Variants in PPP1R36 observed in about 807,000 individuals in gnomAD.
The protein encoded by PPP1R36 is chromosome 14 open reading frame 50.
A neutral mutation model predicts 53.4 loss-of-function variants in PPP1R36; 47 were observed. The ratio of observed to expected loss-of-function variants is 0.88; its 90% CI spans 0.70 to 1.12. The LOEUF (loss-of-function observed/expected upper bound fraction) is 1.12, where lower values mean the gene tolerates loss of function less well. PPP1R36 is among the 50% of genes most tolerant of loss of function. The pLI is 0.00. For synonymous variants in PPP1R36, 153 were observed against 170.5 expected, an observed-to-expected ratio of 0.90 and a Z score of 0.80; for missense variants, 456 against 513.9, an observed-to-expected ratio of 0.89 and a Z score of 1.09.
intron 3 of PPP1R36, among the ~76,000 whole-genome samples, chr14:64,553,930 CG>C (rs2080120969): frequency 6.6e-6 from 1 of 151,188 alleles, no homozygotes; most frequent in Admixed American, 6.6e-5. Flanking sequence ...AAGAGCAGAT[CG>C]GGGTGAGCCA....
intron 8 of PPP1R36, chr14:64,586,465 C>A (rs1383609588): frequency 6.0e-6 from 1 of 166,442 alleles, no homozygotes; most frequent in Non-Finnish European, 1.3e-5. Flanking sequence ...TTTGCTAATT[C>A]TTTTCCTTTT....
At chr14:64,555,502 T>G (rs10151434) in intron 3 of PPP1R36, among the ~76,000 whole-genome samples, 55,759 of 152,060 alleles carry the variant, frequency 0.37, 10,861 homozygotes, top group African/African-American at 0.49. Flanking sequence ...AAGAGGGTGT[T>G]TATGTAAAAT....
At chr14:64,575,654 G>GT (rs66467437) in intron 8 of PPP1R36, among the ~76,000 whole-genome samples, 232 of 143,168 alleles carry the variant, frequency 1.6e-3, no homozygotes, top group East Asian at 4.8e-3. Context: ...ACATTTTGGG[G>GT]TTTTTTTTTT....
intron 3 of PPP1R36, among the ~76,000 whole-genome samples, chr14:64,555,149 T>C (rs890710097): frequency 6.6e-6 from 1 of 152,262 alleles, no homozygotes; most frequent in African/African-American, 2.4e-5. Context: ...AATGTCTCAC[T>C]TTCCTTATTA....
At chr14:64,578,043 G>GTAC (rs1405028968) in intron 8 of PPP1R36, among the ~76,000 whole-genome samples, 1 of 140,666 alleles carries the variant, frequency 7.1e-6, no homozygotes, top group Non-Finnish European at 1.5e-5. Flanking sequence ...TTGAGATGGA[G>GTAC]TTTCACTCTT....
intron 8 of PPP1R36, among the ~76,000 whole-genome samples, chr14:64,575,859 C>G (rs1265933262): frequency 1.3e-5 from 2 of 151,982 alleles, no homozygotes; most frequent in Non-Finnish European, 2.9e-5. Flanking sequence ...ACCATGTTAG[C>G]CAGGATGGTC....
At chr14:64,577,164 G>A (rs186577364) in intron 8 of PPP1R36, among the ~76,000 whole-genome samples, 59 of 152,306 alleles carry the variant, frequency 3.9e-4, no homozygotes, top group Non-Finnish European at 1.5e-5. Context: ...GCAGAAAGAG[G>A]ATGACAGAGC....
rs530179552 is a variant in PPP1R36 at position 64,558,514 on chromosome 14, G to A, written c.182+5653G>A. 6.6e-5 allele frequency among the ~76,000 whole-genome samples: 10 copies of A among 152,254 alleles called. No individual in the cohort carries two copies. The South Asian group carries it at 1.9e-3, about 28-fold the overall frequency. On this transcript the variant is annotated intron_variant, in intron 3 of 11. Coordinates refer to ENST00000298705, the MANE Select transcript of PPP1R36 (RefSeq NM_172365.3). ...GGATCACTTGAGCCCAGAAAGTTGA[G>A]GCTGTGGTGAGCCATGATCCTGCCA...
chr14:64,560,225 A>C (rs2080195932), intron 3 of PPP1R36, among the ~76,000 whole-genome samples: 1 of 151,258 alleles, frequency 6.6e-6, no homozygotes, highest in Non-Finnish European at 1.5e-5. Flanking sequence ...CAGATGGCCT[A>C]AGCTCAAGAG....
At chr14:64,588,396 G>A (rs567739616) in intron 11 of PPP1R36, 101 bp downstream of exon 11, 18 of 1,045,320 alleles carry the variant, frequency 1.7e-5, no homozygotes, top group South Asian at 8.2e-5. Flanking sequence ...CCAGGGAATC[G>A]AGCCATGATG....
intron 8 of PPP1R36, among the ~76,000 whole-genome samples, chr14:64,577,718 C>CTTTTTTTTTTTTTTTTTT (rs10667127): frequency 2.1e-5 from 2 of 94,448 alleles, no homozygotes; most frequent in Non-Finnish European, 3.9e-5. Flanking sequence ...GCCATGATTA[C>CTTTTTTTTTTTTTTTTTT]TTTTTTTTTT....
At chr14:64,564,676 T>G in intron 3 of PPP1R36, 75 bp from the exon 4 acceptor site, 2 of 964,278 alleles carry the variant, frequency 2.1e-6, no homozygotes. Flanking sequence ...GTCCAAAGAT[T>G]ATGAGCTATG....
intron 3 of PPP1R36, among the ~76,000 whole-genome samples, chr14:64,554,246 G>A (rs2080126655): frequency 6.8e-6 from 1 of 147,756 alleles, no homozygotes; most frequent in Non-Finnish European, 1.5e-5. Flanking sequence ...CCCCCTCCCG[G>A]GTTCAAGCGA....
intron 5 of PPP1R36, 74 bp downstream of exon 5, chr14:64,565,528 C>T (rs569414360): frequency 1.7e-4 from 245 of 1,416,878 alleles, no homozygotes; most frequent in Non-Finnish European, 2.2e-4. Flanking sequence ...CATAAACATC[C>T]GCCCATCTAC....
chr14:64,587,534 T>C (rs61987038), intron 10 of PPP1R36, among the ~76,000 whole-genome samples, 162 bp downstream of exon 10: 33,531 of 140,616 alleles, frequency 0.24, 4,206 homozygotes, highest in Non-Finnish European at 0.3. Context: ...AAGCTTGGCT[T>C]ACTGCAACGT....
intron 3 of PPP1R36, among the ~76,000 whole-genome samples, chr14:64,559,161 C>T (rs907985679): frequency 1.2e-4 from 18 of 152,110 alleles, no homozygotes; most frequent in African/African-American, 3.4e-4. Flanking sequence ...GAGAGAGCCG[C>T]GGCTTTTCCA....
rs1245002233 is a variant in PPP1R36, at chr14:64,589,132, C to T, written c.1083-20C>T. On this transcript the variant is annotated intron_variant, in intron 11 of 11. Transcript: ENST00000298705. ...TCTTTGGCCTCATCACTTCAGCTAT[C>T]CCAATAATTCTTTTCACAGAGTTGG... The T allele has an allele frequency of 1.9e-6, 3 of 1,601,344 alleles. No homozygotes were observed. In the African/African-American group the frequency reaches 4.0e-5, roughly 21 times the overall value.
intron 4 of PPP1R36, 50 bp from the exon 5 acceptor site, chr14:64,565,307 C>A: frequency 7.6e-7 from 1 of 1,314,730 alleles, no homozygotes; most frequent in Non-Finnish European, 1.1e-6. Context: ...AGATTAAATA[C>A]AACTAAAATA....
chr14:64,571,358 C>G (rs1198648036), intron 7 of PPP1R36, among the ~76,000 whole-genome samples: 1 of 152,106 alleles, frequency 6.6e-6, no homozygotes. Context: ...AACTCCTGAC[C>G]TCAGGTGATC....
Sources: allele counts gnomAD v4.1 joint callset (sites outside exome capture counted in the v4.1 genomes callset), GRCh38; gene constraint gnomAD v4.1.1; transcripts MANE v1.5; gene names NCBI Gene and HGNC (gene_info 2026-07-23, HGNC 2026-07-21).